Variants in PRKAR2A observed in about 807,000 individuals in gnomAD.
PRKAR2A encodes protein kinase cAMP-dependent type II regulatory subunit alpha.
In PRKAR2A, 29 loss-of-function variants were observed where a neutral mutation model predicts 51.9. That is an observed-to-expected ratio of 0.56 (90% CI 0.42 to 0.76). The LOEUF is 0.76. Among genes scored for constraint, PRKAR2A ranks in the 30% least tolerant of loss-of-function variants. The pLI, the probability that PRKAR2A is intolerant of heterozygous loss-of-function variation, is 0.00. For missense variants in PRKAR2A, 445 were observed against 512.1 expected (o/e 0.87, Z 1.26); for synonymous variants, 178 against 186.2 (o/e 0.96, Z 0.36).
chr3:48,771,964 TG>T (rs1403174192), intron 6 of PRKAR2A, among the ~76,000 whole-genome samples: 2 of 152,152 alleles, frequency 1.3e-5, no homozygotes, highest in Non-Finnish European at 2.9e-5. Flanking sequence ...GATGGAGTTT[TG>T]CTTTTGTTGA....
chr3:48,761,723 G>A (rs1401022086), intron 8 of PRKAR2A, among the ~76,000 whole-genome samples: 1 of 151,992 alleles, frequency 6.6e-6, no homozygotes, highest in Non-Finnish European at 1.5e-5. Context: ...AACGATTCTC[G>A]TGCTTCAACC....
chr3:48,791,939 G>A (rs1209204708), intron 3 of PRKAR2A, among the ~76,000 whole-genome samples: 14 of 136,208 alleles, frequency 1.0e-4, no homozygotes, highest in African/African-American at 3.2e-4. Context: ...AAAAGATAGT[G>A]TTAAATATTT....
intron 1 of PRKAR2A, among the ~76,000 whole-genome samples, chr3:48,816,682 C>A (rs1340648966): frequency 6.6e-6 from 1 of 152,032 alleles, no homozygotes; most frequent in Non-Finnish European, 1.5e-5. Flanking sequence ...ATTATCCTAT[C>A]CAAACTTCAG....
intron 5 of PRKAR2A, among the ~76,000 whole-genome samples, chr3:48,780,164 A>C (rs941695065): frequency 1.2e-4 from 18 of 151,244 alleles, no homozygotes; most frequent in Admixed American, 2.0e-4. Flanking sequence ...TACCCCCCCC[A>C]AAAAAAAACA....
chr3:48,812,831 TTGAAAAAA>T (rs2082798431), intron 1 of PRKAR2A, among the ~76,000 whole-genome samples: 2 of 152,210 alleles, frequency 1.3e-5, no homozygotes, highest in Non-Finnish European at 2.9e-5. Flanking sequence ...CTAATTAAAC[TTGAAAAAA>T]TTTAGTTCTG....
intron 1 of PRKAR2A, among the ~76,000 whole-genome samples, chr3:48,812,409 A>T (rs1274719942): frequency 2.0e-5 from 3 of 151,992 alleles, no homozygotes; most frequent in African/African-American, 7.2e-5. Context: ...GTAGGTTCTG[A>T]GGTGTAGTAA....
At chr3:48,779,920 G>C (rs751600358) in intron 5 of PRKAR2A, among the ~76,000 whole-genome samples, 22 of 151,790 alleles carry the variant, frequency 1.4e-4, no homozygotes, top group Non-Finnish European at 2.8e-4. Flanking sequence ...CCAGCACTTT[G>C]GGAGGCTGAG....
chr3:48,807,599 C>A, intron 2 of PRKAR2A, 50 bp downstream of exon 2: 1 of 1,366,362 alleles, frequency 7.3e-7, no homozygotes, highest in South Asian at 1.2e-5. Context: ...TCAATATATT[C>A]CTATCTTAAA....
chr3:48,837,489 C>T (rs1378760015), intron 1 of PRKAR2A, among the ~76,000 whole-genome samples: 1 of 152,142 alleles, frequency 6.6e-6, no homozygotes, highest in Non-Finnish European at 1.5e-5. Flanking sequence ...ATCCTCAAAA[C>T]ACTGCTGGTT....
chr3:48,791,461 G>A (rs1036661413), intron 3 of PRKAR2A, among the ~76,000 whole-genome samples: 7 of 151,304 alleles, frequency 4.6e-5, no homozygotes, highest in African/African-American at 1.7e-4. Flanking sequence ...GGGCATGGTG[G>A]CGCATGCCAG....
chr3:48,796,762 T>C (rs980813134), intron 2 of PRKAR2A, among the ~76,000 whole-genome samples: 1 of 151,278 alleles, frequency 6.6e-6, no homozygotes, highest in Non-Finnish European at 1.5e-5. Flanking sequence ...AGTGTTGAGA[T>C]TACAGACGTG....
rs759615155 is a variant in PRKAR2A at position 48,807,506 on chromosome 3, GAATA to G, written c.298+139_298+142del. 8.2e-4 allele frequency: 535 copies of G among 650,606 alleles called. 1 individual carries two copies. The highest frequency in any genetic ancestry group is 1.1e-3 in the Non-Finnish European group (415 of 378,820). 40.3% of individuals were successfully genotyped at this position (650,606 alleles called of 1,614,324 possible). ...ATACTCAGAACTTAAAATAAAAACA[GAATA>G]AAGAAACCATAGGTAATTTTACTTT... On this transcript the variant is annotated intron_variant, in intron 2 of 10. Coordinates refer to ENST00000265563, the MANE Select transcript of PRKAR2A (RefSeq NM_004157.4).
intron 4 of PRKAR2A, among the ~76,000 whole-genome samples, chr3:48,789,320 T>C (rs569166694): frequency 6.6e-6 from 1 of 152,230 alleles, no homozygotes; most frequent in Admixed American, 6.5e-5. Context: ...TGATGTCAAT[T>C]GGAACACATT....
At chr3:48,794,795 C>A (rs1333634836) in intron 2 of PRKAR2A, among the ~76,000 whole-genome samples, 1 of 152,062 alleles carries the variant, frequency 6.6e-6, no homozygotes, top group African/African-American at 2.4e-5. Flanking sequence ...GAAGAAAGGA[C>A]TTCCATGAGA....
intron 1 of PRKAR2A, among the ~76,000 whole-genome samples, chr3:48,835,947 C>T (rs1273533401): frequency 6.6e-6 from 1 of 152,032 alleles, no homozygotes; most frequent in Non-Finnish European, 1.5e-5. Flanking sequence ...ATCAATGGAA[C>T]AGAACTGAGT....
chr3:48,836,602 A>G (rs2083291342), intron 1 of PRKAR2A, among the ~76,000 whole-genome samples: 1 of 151,486 alleles, frequency 6.6e-6, no homozygotes, highest in Non-Finnish European at 1.5e-5. Flanking sequence ...TAAATATGAC[A>G]CCTATAGCAC....
At chr3:48,809,950 C>T (rs1291318483) in intron 1 of PRKAR2A, among the ~76,000 whole-genome samples, 1 of 152,060 alleles carries the variant, frequency 6.6e-6, no homozygotes, top group African/African-American at 2.4e-5. Flanking sequence ...TTCTCCCTCC[C>T]ACTTCATCTC....
At chr3:48,772,799 C>G (rs1213067030) in intron 6 of PRKAR2A, among the ~76,000 whole-genome samples, 156 bp downstream of exon 6, 2 of 152,186 alleles carry the variant, frequency 1.3e-5, no homozygotes, top group African/African-American at 4.8e-5. Flanking sequence ...CACCACCACA[C>G]CTGGCTATTT....
chr3:48,815,532 T>C (rs1022907511), intron 1 of PRKAR2A, among the ~76,000 whole-genome samples: 1 of 150,920 alleles, frequency 6.6e-6, no homozygotes, highest in African/African-American at 2.4e-5. Context: ...CCGTCTCTAC[T>C]AAAAATACAA....
Sources: gnomAD v4.1 joint callset for allele counts (sites outside exome capture counted in the v4.1 genomes callset) on GRCh38, gnomAD v4.1.1 for gene constraint, MANE v1.5 for transcripts, NCBI Gene and HGNC (gene_info 2026-07-23, HGNC 2026-07-21) for gene names.